RAB17: variants seen among roughly 807,000 people sequenced by gnomAD.
RAB17 encodes RAB17, member RAS oncogene family.
Under a neutral mutation model 19.3 loss-of-function variants are expected in RAB17, and 15 were observed. That is an observed-to-expected ratio of 0.78 (90% CI 0.52 to 1.20). RAB17 has a LOEUF of 1.20. Among genes scored for constraint, RAB17 ranks in the 50% most tolerant of loss-of-function variants. The pLI is 0.00. For missense variants in RAB17, 262 were observed against 269.3 expected, an observed-to-expected ratio of 0.97 and a Z score of 0.19; for synonymous variants, 110 against 112.8, an observed-to-expected ratio of 0.97 and a Z score of 0.16.
rs1040230519 is a variant in RAB17, at chr2:237,578,153, C to T, written c.160G>A (p.Ala54Thr). 1 of 1,608,490 alleles carries T rather than the reference C, an allele frequency of 6.2e-7. No homozygotes were observed. Among genetic ancestry groups the T allele is most frequent in the Non-Finnish European group, 8.5e-7 (1 of 1,175,510 alleles). The change falls in exon 3 of 6, where the codon GCG becomes ACG. Residue 54 changes from alanine to threonine, a missense_variant and splice_region_variant. Physicochemically the swap from Ala to Thr is moderately conservative, Grantham distance 58. Coordinates refer to ENST00000264601, the MANE Select transcript of RAB17 (RefSeq NM_022449.4). ...FKSILPTVGC[A>T]FFTKVVDVGA... ...ACATCCACCACCTTTGTGAAGAACG[C>T]ACCTGAAACAGGGAGGCCCAGAGGG... is the stretch of plus-strand genomic sequence containing the variant.
At chr2:237,578,205 T>C (rs535432874) in intron 2 of RAB17, 50 bp from the exon 3 acceptor site, 3 of 1,561,038 alleles carry the variant, frequency 1.9e-6, no homozygotes, top group Admixed American at 3.5e-5. Context: ...GGTTGCCACA[T>C]GCGGCTCAGG....
At chr2:237,588,888 C>A (rs1370914188) in intron 1 of RAB17, among the ~76,000 whole-genome samples, 1 of 152,200 alleles carries the variant, frequency 6.6e-6, no homozygotes, top group Non-Finnish European at 1.5e-5. Flanking sequence ...GCCGGCGTCT[C>A]ATTCCTTTGA....
At chr2:237,588,049 T>C (rs2081364402) in intron 1 of RAB17, among the ~76,000 whole-genome samples, 1 of 152,066 alleles carries the variant, frequency 6.6e-6, no homozygotes, top group African/African-American at 2.4e-5. Context: ...CTTTGAAATA[T>C]CCACCTGGAT....
intron 4 of RAB17, 70 bp from the exon 5 acceptor site, chr2:237,575,550 C>T (rs1370204305): frequency 8.7e-7 from 1 of 1,151,194 alleles, no homozygotes; most frequent in Non-Finnish European, 1.3e-6. Flanking sequence ...GGTTCACTTC[C>T]AACAGTAAGA....
At chr2:237,576,094 C>G (rs1163809181) in intron 4 of RAB17, among the ~76,000 whole-genome samples, 2 of 152,188 alleles carry the variant, frequency 1.3e-5, no homozygotes, top group African/African-American at 4.8e-5. Context: ...GGAAGAGGAG[C>G]CTGTGGTGGA....
intron 2 of RAB17, chr2:237,585,292 C>T (rs1473515767): frequency 6.0e-6 from 1 of 167,522 alleles, no homozygotes; most frequent in East Asian, 1.9e-4. Flanking sequence ...GCATGTGTTC[C>T]CCCAGGGGGA....
intron 3 of RAB17, chr2:237,577,612 A>T: frequency 1.9e-6 from 1 of 526,580 alleles, no homozygotes; most frequent in Middle Eastern, 5.2e-4. Flanking sequence ...CAGATCCTTC[A>T]CCCTGACCAG....
intron 2 of RAB17, 54 bp downstream of exon 2, chr2:237,585,944 C>T: frequency 6.7e-7 from 1 of 1,499,462 alleles, no homozygotes; most frequent in East Asian, 2.5e-5. Flanking sequence ...TGTGGGTCAG[C>T]AGCCCAGACT....
intron 1 of RAB17, among the ~76,000 whole-genome samples, chr2:237,586,949 T>G (rs1398317031): frequency 6.6e-6 from 1 of 152,234 alleles, no homozygotes; most frequent in Non-Finnish European, 1.5e-5. Flanking sequence ...ACAGGTATTT[T>G]TTTTTCTTTG....
intron 2 of RAB17, chr2:237,578,505 GCTGGGCTCTGGGAACCCCTAGAGCC>G: frequency 5.3e-6 from 1 of 190,458 alleles, no homozygotes; most frequent in Non-Finnish European, 1.1e-5. Flanking sequence ...CAGCGATGCA[GCTGGGCTCTGGGAACCCCTAGAGCC>G]CTGGGCACCC....
At chr2:237,581,424 T>G (rs1420200125) in intron 2 of RAB17, among the ~76,000 whole-genome samples, 1 of 152,012 alleles carries the variant, frequency 6.6e-6, no homozygotes, top group Admixed American at 6.5e-5. Context: ...TTAATTTAAT[T>G]TTATTTTTTT....
At chr2:237,587,941 T>G (rs1390231186) in intron 1 of RAB17, among the ~76,000 whole-genome samples, 1 of 152,174 alleles carries the variant, frequency 6.6e-6, no homozygotes, top group Non-Finnish European at 1.5e-5. Flanking sequence ...TCTGTTTTCC[T>G]TGGAGCTGGG....
chr2:237,575,401 A>T lies in RAB17; in HGVS notation c.515T>A (p.Val172Glu). 1.2e-6 allele frequency: 2 copies of T among 1,611,240 alleles called. No homozygotes were observed. The highest frequency in any genetic ancestry group is 1.1e-5 in the South Asian group (1 of 90,718). The change falls in exon 5 of 6, where the codon GTG (valine) becomes GAG (glutamate). Residue 172 changes from valine (V) to glutamate (E), a missense_variant. Coordinates refer to ENST00000264601, the MANE Select transcript of RAB17 (RefSeq NM_022449.4). ...ACGTGACTCACCCACTGTATTGAAC[A>T]CCTCCGACACCTGGTGGTTCAGTTT... Reference protein sequence around the residue: ...SAKLNHQVSEVFNTVAQELLQ... With the variant: ...SAKLNHQVSEEFNTVAQELLQ...
At chr2:237,583,766 G>A (rs1037192288) in intron 2 of RAB17, among the ~76,000 whole-genome samples, 1 of 152,180 alleles carries the variant, frequency 6.6e-6, no homozygotes, top group African/African-American at 2.4e-5. Flanking sequence ...CCTGTAGAAC[G>A]GTCCTTCCCC....
At position 237,575,008 on chromosome 2, in the gene RAB17, A is replaced by C; in HGVS notation, c.*11T>G. 3 of 1,591,652 alleles carry C rather than the reference A, an allele frequency of 1.9e-6. No homozygotes were observed. Among genetic ancestry groups the C allele is most frequent in the Admixed American group, 1.7e-5 (1 of 59,064 alleles). On this transcript the variant is annotated 3_prime_UTR_variant, in exon 6 of 6. Coordinates refer to ENST00000264601, the MANE Select transcript of RAB17 (RefSeq NM_022449.4). The stretch of plus-strand genomic sequence containing the variant: ...GGGTGTCTTCCCCACAGCCCCCAGG[A>C]GTGGCTGCACCTAGTGGGCGCAGCA...
At position 237,574,394 on chromosome 2, in the gene RAB17, T is replaced by A; in HGVS notation, c.*625A>T. On this transcript the variant is annotated 3_prime_UTR_variant, in exon 6 of 6. Transcript: ENST00000264601. ...AGTACAACTTATATCTCAGGCGAAA[T>A]GTCTCAGAATCTTCCTGCTCATTGG... is the stretch of plus-strand genomic sequence containing the variant. 1 of 1,528,788 alleles carries A rather than the reference T, an allele frequency of 6.5e-7. No homozygotes were observed. The highest frequency in any genetic ancestry group is 1.4e-5 in the African/African-American group (1 of 72,232). 94.7% of individuals were successfully genotyped at this position (1,528,788 alleles called of 1,614,324 possible). A position where few individuals can be genotyped will look rare whatever the true frequency, so the allele number is the denominator to read the frequency against.
At chr2:237,576,809 CACAGAAGCCCCTTCTGGGA>C in intron 4 of RAB17, 1 of 451,320 alleles carries the variant, frequency 2.2e-6, no homozygotes, top group Non-Finnish European at 4.6e-6. Flanking sequence ...GCTACATTTG[CACAGAAGCCCCTTCTGGGA>C]ACAGAGTAGG....
intron 4 of RAB17, among the ~76,000 whole-genome samples, chr2:237,576,183 A>G (rs971761573): frequency 6.6e-6 from 1 of 151,672 alleles, no homozygotes; most frequent in Non-Finnish European, 1.5e-5. Context: ...CCATGCCCCC[A>G]GCTCTCGCAC....
At chr2:237,577,153 G>C in intron 4 of RAB17, 104 bp downstream of exon 4, 3 of 1,387,228 alleles carry the variant, frequency 2.2e-6, no homozygotes, top group Non-Finnish European at 2.9e-6. Context: ...GTGTGTGCGT[G>C]TGTGGGTGTG....
Sources: allele counts gnomAD v4.1 joint callset (sites outside exome capture counted in the v4.1 genomes callset), GRCh38; gene constraint gnomAD v4.1.1; transcripts MANE v1.5; gene names NCBI Gene and HGNC (gene_info 2026-07-23, HGNC 2026-07-21).